The following EFCAB14 variants were observed in gnomAD, a reference collection of about 807,000 sequenced individuals.
EFCAB14 encodes the protein EF-hand calcium binding domain 14, also known as EF-hand calcium-binding domain-containing protein 14.
Under a neutral mutation model 56.5 loss-of-function variants are expected in EFCAB14, and 43 were observed. That is an observed-to-expected ratio of 0.76 (90% CI 0.60 to 0.98). The LOEUF (loss-of-function observed/expected upper bound fraction) is 0.98. Ranked by LOEUF, EFCAB14 falls within the 50% of genes least tolerant of loss-of-function variation. The pLI, the probability that EFCAB14 is intolerant of heterozygous loss-of-function variation, is 0.00. For synonymous variants in EFCAB14, 235 were observed against 212.9 expected (o/e 1.10, Z -0.90); for missense variants, 538 against 580.3 (o/e 0.93, Z 0.75).
chr1:46,698,342 G>A (rs1677105767), intron 3 of EFCAB14, among the ~76,000 whole-genome samples: 1 of 152,042 alleles, frequency 6.6e-6, no homozygotes, highest in South Asian at 2.1e-4. Context: ...AAATACTACT[G>A]GACCCTATTA....
At chr1:46,707,155 A>C (rs1677244880) in intron 3 of EFCAB14, among the ~76,000 whole-genome samples, 1 of 152,206 alleles carries the variant, frequency 6.6e-6, no homozygotes, top group Non-Finnish European at 1.5e-5. Context: ...CAGCCCCAAG[A>C]AAAATAATAT....
Position 46,677,270 on chromosome 1 carries a change from T to C in EFCAB14, c.*1191A>G, listed in dbSNP as rs1195353779. ...AGCTCCAGGCCTGCCCTGCTATACT[T>C]TGGCATCCTTTGGGTAGAAAGCCTC... is the stretch of plus-strand genomic sequence containing the variant. On this transcript the variant is annotated 3_prime_UTR_variant, in exon 11 of 11. Coordinates refer to ENST00000371933, the MANE Select transcript of EFCAB14 (RefSeq NM_014774.3). The C allele has an allele frequency of 6.6e-6, 1 of 152,416 alleles. No homozygotes were observed. The highest frequency in any genetic ancestry group is 2.4e-5 in the African/African-American group (1 of 41,592). 9.4% of individuals were successfully genotyped at this position (152,416 alleles called of 1,614,324 possible). A position where few individuals can be genotyped will look rare whatever the true frequency, so the allele number is the denominator to read the frequency against.
rs910807291 is a variant in EFCAB14, at chr1:46,675,924, C to G, written c.*2537G>C. 2 of 152,322 alleles carry G rather than the reference C, an allele frequency of 1.3e-5. No individual in the cohort carries two copies. Among genetic ancestry groups the G allele is most frequent in the East Asian group, 3.9e-4 (2 of 5,184 alleles). The allele number at this position is 152,322 out of a possible 1,614,324, so 9.4% of individuals were successfully genotyped here. ...TTAGGAAAGCAGCAGTAGGAGCTGC[C>G]AGACTGAAAAGGTAAAAGGGTTTAA... On this transcript the variant is annotated 3_prime_UTR_variant, in exon 11 of 11. Coordinates refer to ENST00000371933, the MANE Select transcript of EFCAB14 (RefSeq NM_014774.3).
At chr1:46,684,989 G>A (rs1325502839) in intron 8 of EFCAB14, 8 of 164,528 alleles carry the variant, frequency 4.9e-5, no homozygotes, top group Middle Eastern at 6.2e-3. Flanking sequence ...ATAACTTTCC[G>A]AAATATCTTG....
rs201931063 is a variant in EFCAB14 at position 46,695,372 on chromosome 1, TTC to T, written c.579+1177_579+1178del. ...TCAGAGTTGTCCCTACCCCTTTTTT[TTC>T]CCCCCGAATTTGTAAGTAGATGGCC... On this transcript the variant is annotated intron_variant, in intron 4 of 10. Transcript: ENST00000371933. Among the ~76,000 whole-genome samples, 311 of 152,242 alleles carry T rather than the reference TTC, an allele frequency of 2.0e-3. 1 individual carries two copies. Among genetic ancestry groups the T allele is most frequent in the African/African-American group, 7.2e-3 (300 of 41,540 alleles).
At chr1:46,683,898 G>C (rs1304028402) in intron 9 of EFCAB14, among the ~76,000 whole-genome samples, 1 of 152,206 alleles carries the variant, frequency 6.6e-6, no homozygotes, top group Non-Finnish European at 1.5e-5. Flanking sequence ...TACTAAAGGA[G>C]AATTCAAGAG....
At chr1:46,709,103 T>C (rs71638015) in intron 2 of EFCAB14, among the ~76,000 whole-genome samples, 3 of 152,232 alleles carry the variant, frequency 2.0e-5, no homozygotes, top group African/African-American at 7.2e-5. Context: ...TGTTCATTTG[T>C]TCATGTGCTA....
At chr1:46,701,029 C>G (rs1351942257) in intron 3 of EFCAB14, among the ~76,000 whole-genome samples, 1 of 139,842 alleles carries the variant, frequency 7.2e-6, no homozygotes, top group African/African-American at 2.8e-5. Flanking sequence ...GATGGGAACA[C>G]AGAGATGGGA....
intron 7 of EFCAB14, 34 bp downstream of exon 7, chr1:46,688,319 C>T (rs1020661470): frequency 7.5e-6 from 12 of 1,598,144 alleles, no homozygotes; most frequent in African/African-American, 1.3e-5. Flanking sequence ...AGACAAAACA[C>T]ACTGCATGTC....
Position 46,691,937 on chromosome 1 carries a change from T to G in EFCAB14, c.580A>C (p.Ser194Arg), listed in dbSNP as rs879047271. Reference sequence around the variant, plus strand: ...AAAGTATTGCCAATGGAAGCTACACTCTGAATGGAAACATATAGGAAGGTG... The same window carrying G: ...AAAGTATTGCCAATGGAAGCTACACGCTGAATGGAAACATATAGGAAGGTG... Reference protein sequence around the residue: ...LPTTVEGLQKSVASIGNTLNS... With the variant: ...LPTTVEGLQKRVASIGNTLNS... The change falls in exon 5 of 11, where the codon AGT (serine) becomes CGT (arginine). Residue 194 changes from serine (S) to arginine (R), a missense_variant and splice_region_variant. Coordinates refer to ENST00000371933, the MANE Select transcript of EFCAB14 (RefSeq NM_014774.3). The G allele has an allele frequency of 3.1e-6, 5 of 1,612,120 alleles. No homozygotes were observed. The highest frequency in any genetic ancestry group is 1.1e-5 in the South Asian group (1 of 90,842).
intron 3 of EFCAB14, among the ~76,000 whole-genome samples, chr1:46,697,765 C>T (rs1021091521): frequency 6.6e-6 from 1 of 152,004 alleles, no homozygotes; most frequent in African/African-American, 2.4e-5. Context: ...ATGGAGCATA[C>T]ATCCTAGTAA....
intron 2 of EFCAB14, among the ~76,000 whole-genome samples, chr1:46,714,688 G>C (rs563880581): frequency 6.1e-4 from 92 of 151,926 alleles, no homozygotes; most frequent in Admixed American, 1.2e-3. Flanking sequence ...ATTGGGATTG[G>C]GGGTGTGGGG....
intron 3 of EFCAB14, among the ~76,000 whole-genome samples, chr1:46,705,638 A>G (rs1677223191): frequency 6.6e-6 from 1 of 152,170 alleles, no homozygotes; most frequent in South Asian, 2.1e-4. Flanking sequence ...CGTCCTGTCC[A>G]GGGCTGTTTC....
intron 5 of EFCAB14, among the ~76,000 whole-genome samples, chr1:46,689,920 A>G (rs1013621582): frequency 3.9e-5 from 6 of 152,162 alleles, no homozygotes; most frequent in African/African-American, 1.4e-4. Context: ...GGGAACTGAG[A>G]TCCTCCTAGT....
chr1:46,675,892 G>T lies in EFCAB14; in HGVS notation c.*2569C>A, dbSNP rs527830138. 1 of 152,220 alleles carries T rather than the reference G, an allele frequency of 6.6e-6. No individual in the cohort carries two copies. The highest frequency in any genetic ancestry group is 1.5e-5 in the Non-Finnish European group (1 of 68,052). 9.4% of individuals were successfully genotyped at this position (152,220 alleles called of 1,614,324 possible). A position where few individuals can be genotyped will look rare whatever the true frequency, so the allele number is the denominator to read the frequency against. On this transcript the variant is annotated 3_prime_UTR_variant, in exon 11 of 11. Transcript: ENST00000371933. ...AACAAGGACCAAGAAGCAGTGCTTTGAGTAACTTAGGAAAGCAGCAGTAGG... is the reference window on the plus strand; with the variant it reads ...AACAAGGACCAAGAAGCAGTGCTTTTAGTAACTTAGGAAAGCAGCAGTAGG...
chr1:46,696,022 G>C (rs1677073277), intron 4 of EFCAB14, among the ~76,000 whole-genome samples: 1 of 151,948 alleles, frequency 6.6e-6, no homozygotes, highest in Non-Finnish European at 1.5e-5. Flanking sequence ...GCAGGAGCAG[G>C]AGTGTTTGAA....
At chr1:46,706,842 T>C (rs923282592) in intron 3 of EFCAB14, among the ~76,000 whole-genome samples, 1 of 152,228 alleles carries the variant, frequency 6.6e-6, no homozygotes, top group Admixed American at 6.5e-5. Context: ...TAAGGCACCA[T>C]ACACATTAAG....
At position 46,677,332 on chromosome 1, in the gene EFCAB14, A is replaced by G. The variant is rs1294381612; in HGVS notation, c.*1129T>C. ...GAGCTGGTAATGGTAAGGAAACTGA[A>G]TATTATTTCACATGTTTCATCTCAC... On this transcript the variant is annotated 3_prime_UTR_variant, in exon 11 of 11. Coordinates refer to ENST00000371933, the MANE Select transcript of EFCAB14 (RefSeq NM_014774.3). The G allele has an allele frequency of 1.3e-5, 2 of 152,210 alleles. No homozygotes were observed. The highest frequency in any genetic ancestry group is 2.4e-5 in the African/African-American group (1 of 41,454). The allele number at this position is 152,210 out of a possible 1,614,324, so 9.4% of individuals were successfully genotyped here. A position where few individuals can be genotyped will look rare whatever the true frequency, so the allele number is the denominator to read the frequency against.
intron 10 of EFCAB14, 108 bp downstream of exon 10, chr1:46,683,192 T>G (rs1676822601): frequency 7.8e-7 from 1 of 1,287,210 alleles, no homozygotes; most frequent in Non-Finnish European, 1.1e-6. Flanking sequence ...GCACTTGATA[T>G]CTCCTCAATA....
Sources: allele counts gnomAD v4.1 joint callset (sites outside exome capture counted in the v4.1 genomes callset), GRCh38; gene constraint gnomAD v4.1.1; transcripts MANE v1.5; gene names NCBI Gene and HGNC (gene_info 2026-07-23, HGNC 2026-07-21).